Variants in MRTFA observed in about 807,000 individuals in gnomAD.
MRTFA encodes the protein myocardin-related transcription factor A.
A neutral mutation model predicts 83.5 loss-of-function variants in MRTFA; 20 were observed. That is an observed-to-expected ratio of 0.24 (90% confidence interval 0.17 to 0.35). MRTFA has a LOEUF of 0.35. Ranked by LOEUF, MRTFA falls within the 10% of genes least tolerant of loss-of-function variation. MRTFA has a pLI of 1.00. For missense variants in MRTFA, 1,200 were observed against 1,224.7 expected, an observed-to-expected ratio of 0.98 and a Z score of 0.30; for synonymous variants, 659 against 541.2, an observed-to-expected ratio of 1.22 and a Z score of -3.02.
At chr22:40,502,480 G>A (rs2054508600) in intron 3 of MRTFA, among the ~76,000 whole-genome samples, 1 of 137,572 alleles carries the variant, frequency 7.3e-6, no homozygotes, top group South Asian at 2.4e-4. Context: ...GGGCAGAGAC[G>A]CTCCTCACTT....
At position 40,423,660 on chromosome 22, in the gene MRTFA, C is replaced by T. The variant is rs202202963; in HGVS notation, c.803G>A (p.Arg268Gln). 2.2e-5 allele frequency: 34 copies of T among 1,574,354 alleles called. No individual in the cohort carries two copies. The highest frequency in any genetic ancestry group is 1.2e-4 in the African/African-American group (9 of 73,714). ...CAGGAAAAGCATTTCTCTGGAATCC[C>T]GGCCCATCGGAAGTTGAGACACAAC... Residue 268 changes from arginine to glutamine, a missense_variant, in exon 9 of 15, where the codon CGG becomes CAG. By Grantham distance (43) the Arg-to-Gln change is conservative. Transcript: ENST00000355630.
At position 40,614,214 on chromosome 22, in the gene MRTFA, T is replaced by A. The variant is rs1217161576; in HGVS notation, c.-83-19479A>T. On this transcript the variant is annotated intron_variant, in intron 1 of 14. Coordinates refer to ENST00000355630, the MANE Select transcript of MRTFA (RefSeq NM_020831.6). ...CAGAACTCTGTCTCAAAAAAATAAA[T>A]AAATAAATAAATAAATAAAAAATAA... Among the ~76,000 whole-genome samples, 7 of 148,846 alleles carry A rather than the reference T, an allele frequency of 4.7e-5. No homozygotes were observed. In the South Asian group the frequency reaches 1.5e-3, roughly 32 times the overall value.
chr22:40,589,971 G>A (rs763994157), intron 2 of MRTFA, among the ~76,000 whole-genome samples: 9 of 149,496 alleles, frequency 6.0e-5, no homozygotes, highest in Admixed American at 2.0e-4. Flanking sequence ...GCAGTGAGCT[G>A]AGATCGTACC....
intron 4 of MRTFA, among the ~76,000 whole-genome samples, chr22:40,451,343 T>G (rs2053482550): frequency 6.6e-6 from 1 of 151,980 alleles, no homozygotes; most frequent in African/African-American, 2.4e-5. Flanking sequence ...GGTGGCGGGG[T>G]GTGGAGAAGG....
chr22:40,584,212 A>G (rs376743558), intron 2 of MRTFA, among the ~76,000 whole-genome samples: 1 of 152,188 alleles, frequency 6.6e-6, no homozygotes, highest in South Asian at 2.1e-4. Context: ...GAAGAAATCT[A>G]AAGTGTCCAA....
intron 1 of MRTFA, among the ~76,000 whole-genome samples, chr22:40,634,060 G>A (rs1462276692): frequency 1.3e-5 from 2 of 151,854 alleles, no homozygotes; most frequent in Admixed American, 6.6e-5. Flanking sequence ...CCCTTCCTGG[G>A]GCTTATAACT....
chr22:40,438,846 G>C lies in MRTFA; in HGVS notation c.308-3292C>G, dbSNP rs142691683. Among the ~76,000 whole-genome samples, 3 of 152,100 alleles carry C rather than the reference G, an allele frequency of 2.0e-5. No individual in the cohort carries two copies. The South Asian group carries it at 6.2e-4, about 32-fold the overall frequency. ...GATATCCACTAGGGGGTCTTGGCACGTGTTCCTCAGGAATAAGGAAGGATT... is the reference window on the plus strand; with the variant it reads ...GATATCCACTAGGGGGTCTTGGCACCTGTTCCTCAGGAATAAGGAAGGATT... On this transcript the variant is annotated intron_variant, in intron 4 of 14. Coordinates refer to ENST00000355630, the MANE Select transcript of MRTFA (RefSeq NM_020831.6).
intron 9 of MRTFA, among the ~76,000 whole-genome samples, chr22:40,423,148 G>A (rs560940688): frequency 1.3e-5 from 2 of 152,348 alleles, no homozygotes; most frequent in African/African-American, 4.8e-5. Context: ...CCTTGAAGGA[G>A]GGGAACACCA....
intron 2 of MRTFA, among the ~76,000 whole-genome samples, chr22:40,565,330 T>C (rs1261989526): frequency 2.0e-5 from 3 of 152,136 alleles, no homozygotes; most frequent in Non-Finnish European, 4.4e-5. Context: ...GAGGACCACT[T>C]GAGATCAGGA....
At chr22:40,459,294 T>A (rs1440966345) in intron 4 of MRTFA, among the ~76,000 whole-genome samples, 1 of 145,230 alleles carries the variant, frequency 6.9e-6, no homozygotes, top group African/African-American at 2.5e-5. Flanking sequence ...CCAGACCCTA[T>A]CCATGTACCA....
chr22:40,459,343 T>A (rs1271307628), intron 4 of MRTFA, among the ~76,000 whole-genome samples: 3 of 150,968 alleles, frequency 2.0e-5, no homozygotes, highest in African/African-American at 7.3e-5. Context: ...CACCTGAAAC[T>A]ATTCCCAGTC....
Position 40,452,667 on chromosome 22 carries a change from G to A in MRTFA, c.307+10554C>T, listed in dbSNP as rs529098329. On this transcript the variant is annotated intron_variant, in intron 4 of 14. Transcript: ENST00000355630. ...TCTACTAAAAATACAAAAATTAGCCGGGCGTGGGTGGCAGGCGCCTGTAAT... is the reference window on the plus strand; with the variant it reads ...TCTACTAAAAATACAAAAATTAGCCAGGCGTGGGTGGCAGGCGCCTGTAAT... 5.9e-5 allele frequency among the ~76,000 whole-genome samples: 9 copies of A among 151,816 alleles called. 1 individual carries two copies. In the East Asian group the frequency reaches 9.7e-4, roughly 16 times the overall value.
At chr22:40,505,385 T>G (rs1171895081) in intron 3 of MRTFA, among the ~76,000 whole-genome samples, 1 of 152,226 alleles carries the variant, frequency 6.6e-6, no homozygotes, top group African/African-American at 2.4e-5. Flanking sequence ...AACTCTAACT[T>G]CAGCATTTAT....
In MRTFA at chr22:40,576,832, A is replaced by T. The variant is rs1414743069; in HGVS notation, c.-22+17842T>A. Among the ~76,000 whole-genome samples the T allele has an allele frequency of 1.3e-5, 2 of 152,170 alleles. 1 individual carries two copies. The highest frequency in any genetic ancestry group is 2.9e-5 in the Non-Finnish European group (2 of 68,020). Reference sequence around the variant, plus strand: ...ATGGTGGCTCACACCTGTAATCCCAACACTTTGAAAGGCCAAGGCAGAATG... The same window carrying T: ...ATGGTGGCTCACACCTGTAATCCCATCACTTTGAAAGGCCAAGGCAGAATG... On this transcript the variant is annotated intron_variant, in intron 2 of 14. Transcript: ENST00000355630.
chr22:40,591,816 T>C (rs955167831), intron 2 of MRTFA, among the ~76,000 whole-genome samples: 9 of 152,152 alleles, frequency 5.9e-5, no homozygotes, highest in African/African-American at 1.7e-4. Context: ...ATTCATTCAA[T>C]AGACAGAAAA....
At chr22:40,595,335 A>G (rs1289372431) in intron 1 of MRTFA, among the ~76,000 whole-genome samples, 1 of 151,508 alleles carries the variant, frequency 6.6e-6, no homozygotes, top group Admixed American at 6.6e-5. Context: ...GTTGGCCAGG[A>G]TGGTCTCGAT....
intron 2 of MRTFA, among the ~76,000 whole-genome samples, chr22:40,553,912 A>C (rs1460998134): frequency 6.6e-6 from 1 of 152,198 alleles, no homozygotes; most frequent in East Asian, 1.9e-4. Flanking sequence ...AGAGCTGCTC[A>C]AGGCCGTGGG....
intron 2 of MRTFA, chr22:40,569,439 T>TCC (rs1196994017): frequency 1.2e-5 from 2 of 161,658 alleles, no homozygotes; most frequent in African/African-American, 2.4e-5. Context: ...GGAGGTAATG[T>TCC]ATGGCCGGGT....
intron 1 of MRTFA, among the ~76,000 whole-genome samples, chr22:40,597,261 G>A (rs1442865040): frequency 6.6e-6 from 1 of 152,176 alleles, no homozygotes; most frequent in African/African-American, 2.4e-5. Flanking sequence ...TAAACAATCT[G>A]TTGTGTCAAA....
Sources: allele counts gnomAD v4.1 joint callset (sites outside exome capture counted in the v4.1 genomes callset), GRCh38; gene constraint gnomAD v4.1.1; transcripts MANE v1.5; gene names NCBI Gene and HGNC (gene_info 2026-07-23, HGNC 2026-07-21).